Variants in DPP10 observed in about 807,000 individuals in gnomAD.
DPP10 encodes the protein inactive dipeptidyl peptidase 10.
DPP10 carries 33 observed loss-of-function variants against 120.9 expected under a neutral mutation model. The ratio of observed to expected loss-of-function variants is 0.27; its 90% CI spans 0.21 to 0.37. The LOEUF is 0.37. DPP10 is among the 10% of genes least tolerant of loss of function. The pLI is 1.00. For missense variants in DPP10, 816 were observed against 942.8 expected, an observed-to-expected ratio of 0.87 and a Z score of 1.76; for synonymous variants, 337 against 326.1, an observed-to-expected ratio of 1.03 and a Z score of -0.36.
intron 3 of DPP10, among the ~76,000 whole-genome samples, chr2:115,368,794 T>G (rs981421186): frequency 5.3e-5 from 8 of 151,474 alleles, no homozygotes; most frequent in Non-Finnish European, 7.4e-5. Flanking sequence ...TTAATTTTAA[T>G]TTTAATTTTA....
At chr2:115,621,361 A>C (rs1348010557) in intron 5 of DPP10, among the ~76,000 whole-genome samples, 2 of 152,192 alleles carry the variant, frequency 1.3e-5, no homozygotes, top group Non-Finnish European at 1.5e-5. Context: ...CAAATCTTTA[A>C]ATGTATGATG....
intron 1 of DPP10, among the ~76,000 whole-genome samples, chr2:114,834,693 AAG>A (rs1687515212): frequency 7.9e-6 from 1 of 127,110 alleles, no homozygotes; most frequent in African/African-American, 3.1e-5. Context: ...ATGTATATAT[AAG>A]ACATATCTAC....
intron 1 of DPP10, among the ~76,000 whole-genome samples, chr2:114,737,050 A>C (rs1677510629): frequency 6.6e-6 from 1 of 152,240 alleles, no homozygotes; most frequent in African/African-American, 2.4e-5. Context: ...CTAAATTAAA[A>C]CGAAATAGTA....
chr2:115,119,061 C>T (rs1230466445), intron 1 of DPP10, among the ~76,000 whole-genome samples: 1 of 152,132 alleles, frequency 6.6e-6, no homozygotes, highest in Non-Finnish European at 1.5e-5. Flanking sequence ...AGGTTTCATA[C>T]ATTGGCATTC....
chr2:114,881,175 G>A (rs933411363), intron 1 of DPP10, among the ~76,000 whole-genome samples: 1 of 152,154 alleles, frequency 6.6e-6, no homozygotes, highest in Admixed American at 6.5e-5. Flanking sequence ...AAGTGCCAAT[G>A]TAGAGGAGGA....
Position 115,714,944 on chromosome 2 carries a change from C to A in DPP10, c.577-12872C>A, listed in dbSNP as rs531476560. 1.5e-3 allele frequency among the ~76,000 whole-genome samples: 219 copies of A among 149,154 alleles called. 3 individuals carry two copies. The highest frequency in any genetic ancestry group is 5.1e-3 in the African/African-American group (206 of 40,460). On this transcript the variant is annotated intron_variant, in intron 7 of 25. Transcript: ENST00000410059. ...ACTTGGGATGCTGAGGCTGGAGAAC[C>A]ATTTGACCTGGGAGGCAGAGGTAGG...
Position 115,727,929 on chromosome 2 carries a change from A to G in DPP10, c.690A>G (p.Leu230=). The part of the protein sequence containing the change: ...EIIFNGIADW[L]YEEELLHSHI... ...TTTTTAATGGGATTGCTGACTGGTTATATGAAGGTGAGTTGATCAGATTTA... is the reference window on the plus strand; with the variant it reads ...TTTTTAATGGGATTGCTGACTGGTTGTATGAAGGTGAGTTGATCAGATTTA... The change falls in exon 8 of 26, where the codon TTA becomes TTG. Residue 230 remains leucine (L), a synonymous_variant. Transcript: ENST00000410059. The G allele has an allele frequency of 6.2e-7, 1 of 1,602,794 alleles. No homozygotes were observed. Among genetic ancestry groups the G allele is most frequent in the Non-Finnish European group, 8.5e-7 (1 of 1,176,004 alleles).
chr2:114,895,129 T>C (rs917192239), intron 1 of DPP10, among the ~76,000 whole-genome samples: 3 of 152,236 alleles, frequency 2.0e-5, no homozygotes, highest in Admixed American at 2.0e-4. Context: ...GTTCAGGATG[T>C]AGTATGAGCC....
chr2:115,730,727 CTGTT>C (rs1190606254), intron 8 of DPP10, among the ~76,000 whole-genome samples: 1 of 152,104 alleles, frequency 6.6e-6, no homozygotes, highest in South Asian at 2.1e-4. Flanking sequence ...TGAGAGTAAA[CTGTT>C]TGTAGGGGTT....
At chr2:114,921,419 A>G (rs1695188637) in intron 1 of DPP10, among the ~76,000 whole-genome samples, 1 of 152,210 alleles carries the variant, frequency 6.6e-6, no homozygotes, top group Non-Finnish European at 1.5e-5. Context: ...CATTTCAAAT[A>G]TTGTGTGTTT....
chr2:115,791,052 CT>C (rs1354077219), intron 17 of DPP10, 28 bp from the exon 18 acceptor site: 1 of 1,526,848 alleles, frequency 6.5e-7, no homozygotes, highest in African/African-American at 1.4e-5. Flanking sequence ...TAGGGGTTAG[CT>C]ATTTACACTA....
intron 2 of DPP10, among the ~76,000 whole-genome samples, chr2:115,338,451 A>T (rs999696909): frequency 2.0e-5 from 3 of 151,914 alleles, no homozygotes; most frequent in Non-Finnish European, 2.9e-5. Flanking sequence ...AAATAAATTA[A>T]TTTTTTTTAG....
At chr2:114,868,557 G>T (rs545771948) in intron 1 of DPP10, among the ~76,000 whole-genome samples, 1 of 152,208 alleles carries the variant, frequency 6.6e-6, no homozygotes, top group African/African-American at 2.4e-5. Context: ...AAGAGACAAG[G>T]AATACATATA....
At chr2:114,496,441 A>G (rs986836682) in intron 1 of DPP10, among the ~76,000 whole-genome samples, 33 of 152,272 alleles carry the variant, frequency 2.2e-4, no homozygotes, top group African/African-American at 7.9e-4. Flanking sequence ...TGAGAAGTCC[A>G]AGATACAGGT....
At chr2:115,650,670 T>C (rs1033943833) in intron 5 of DPP10, among the ~76,000 whole-genome samples, 2 of 152,020 alleles carry the variant, frequency 1.3e-5, no homozygotes, top group African/African-American at 4.8e-5. Flanking sequence ...GGTCTCTACT[T>C]GGTCTCCCAG....
chr2:114,809,574 A>G (rs966361646), intron 1 of DPP10, among the ~76,000 whole-genome samples: 5 of 152,166 alleles, frequency 3.3e-5, no homozygotes, highest in East Asian at 1.9e-4. Flanking sequence ...CTTTGTGACA[A>G]TCGTGTGAAA....
chr2:115,430,623 A>C (rs2070887263), intron 3 of DPP10, among the ~76,000 whole-genome samples: 1 of 152,204 alleles, frequency 6.6e-6, no homozygotes. Context: ...AAATTAGAAA[A>C]TATTCCTCCT....
chr2:114,640,543 G>C (rs1295884393), intron 1 of DPP10, among the ~76,000 whole-genome samples: 1 of 151,764 alleles, frequency 6.6e-6, no homozygotes, highest in Non-Finnish European at 1.5e-5. Context: ...TCATGCCTCA[G>C]GTCAAGTCAG....
chr2:115,201,327 G>T (rs1158765072), intron 1 of DPP10, among the ~76,000 whole-genome samples: 1 of 152,120 alleles, frequency 6.6e-6, no homozygotes, highest in Non-Finnish European at 1.5e-5. Context: ...GCCGAATGTG[G>T]TGGTGCATGC....
Sources: gnomAD v4.1 joint callset for allele counts (sites outside exome capture counted in the v4.1 genomes callset) on GRCh38, gnomAD v4.1.1 for gene constraint, MANE v1.5 for transcripts, NCBI Gene and HGNC (gene_info 2026-07-23, HGNC 2026-07-21) for gene names.